Variants in PITPNC1 observed in about 807,000 individuals in gnomAD.
PITPNC1 encodes the protein phosphatidylinositol transfer protein cytoplasmic 1.
In PITPNC1, 18 loss-of-function variants were observed where a neutral mutation model predicts 44.7. That is an observed-to-expected ratio of 0.40 (90% CI 0.28 to 0.60). The LOEUF (loss-of-function observed/expected upper bound fraction) is 0.60, where lower values mean the gene tolerates loss of function less well. Among genes scored for constraint, PITPNC1 ranks in the 20% least tolerant of loss-of-function variants. PITPNC1 has a pLI of 0.39. For synonymous variants in PITPNC1, 141 were observed against 149.6 expected (o/e 0.94, Z 0.42); for missense variants, 290 against 418.4 (o/e 0.69, Z 2.68).
chr17:67,546,295 GTATATATA>G (rs67276045), intron 2 of PITPNC1, among the ~76,000 whole-genome samples: 62 of 149,654 alleles, frequency 4.1e-4, no homozygotes, highest in African/African-American at 1.5e-3. Context: ...GACTATATAT[GTATATATA>G]TATATATATA....
intron 8 of PITPNC1, among the ~76,000 whole-genome samples, chr17:67,690,041 A>G (rs1014991259): frequency 6.6e-6 from 1 of 152,226 alleles, no homozygotes; most frequent in African/African-American, 2.4e-5. Flanking sequence ...ATAATGACTT[A>G]TATCCTTTGT....
At chr17:67,463,173 A>G (rs1245349966) in intron 1 of PITPNC1, among the ~76,000 whole-genome samples, 1 of 53,888 alleles carries the variant, frequency 1.9e-5, no homozygotes, top group African/African-American at 8.4e-5. Context: ...AACATCCTGT[A>G]GTAATTCAGA....
intron 1 of PITPNC1, among the ~76,000 whole-genome samples, chr17:67,442,336 C>T (rs1256154346): frequency 3.4e-5 from 5 of 147,810 alleles, no homozygotes; most frequent in African/African-American, 1.2e-4. Context: ...TGAGTAAAGT[C>T]TCATGTTGTC....
intron 1 of PITPNC1, among the ~76,000 whole-genome samples, chr17:67,492,511 C>T (rs1043873270): frequency 3.3e-5 from 5 of 152,156 alleles, no homozygotes; most frequent in African/African-American, 1.2e-4. Context: ...ACCTTGATTT[C>T]TTTTTTCTGG....
At chr17:67,548,348 T>G (rs1325865834) in intron 2 of PITPNC1, among the ~76,000 whole-genome samples, 2 of 152,194 alleles carry the variant, frequency 1.3e-5, no homozygotes, top group East Asian at 1.9e-4. Context: ...CCCAACACTT[T>G]GGGAGGCCAA....
At chr17:67,683,162 C>CAAAAAAAA (rs901577194) in intron 8 of PITPNC1, among the ~76,000 whole-genome samples, 68 of 41,470 alleles carry the variant, frequency 1.6e-3, no homozygotes, top group Non-Finnish European at 3.0e-3. Context: ...AACTGAGTCT[C>CAAAAAAAA]AAAAAAAAAA....
chr17:67,628,122 C>T (rs779696973), intron 5 of PITPNC1, among the ~76,000 whole-genome samples: 1 of 151,954 alleles, frequency 6.6e-6, no homozygotes, highest in Non-Finnish European at 1.5e-5. Context: ...AAGCTGGTCT[C>T]GAACTCCTGA....
chr17:67,559,036 T>C (rs1411129493), intron 4 of PITPNC1, among the ~76,000 whole-genome samples: 1 of 152,152 alleles, frequency 6.6e-6, no homozygotes, highest in Non-Finnish European at 1.5e-5. Flanking sequence ...CACTAAACTA[T>C]CTGGGATAGG....
chr17:67,517,874 G>A (rs538672586), intron 1 of PITPNC1, among the ~76,000 whole-genome samples: 1 of 152,234 alleles, frequency 6.6e-6, no homozygotes, highest in East Asian at 1.9e-4. Flanking sequence ...CCACCGAATT[G>A]CATATTTTTT....
chr17:67,627,016 G>A (rs2041904386), intron 5 of PITPNC1, among the ~76,000 whole-genome samples: 2 of 151,496 alleles, frequency 1.3e-5, no homozygotes, highest in Admixed American at 1.3e-4. Flanking sequence ...CCAGCACTTT[G>A]GGAGGCCAAG....
chr17:67,448,060 T>G (rs750924883), intron 1 of PITPNC1, among the ~76,000 whole-genome samples: 1 of 151,984 alleles, frequency 6.6e-6, no homozygotes, highest in Non-Finnish European at 1.5e-5. Context: ...ATTCTCCTGC[T>G]TCAGCCTCCG....
intron 1 of PITPNC1, among the ~76,000 whole-genome samples, chr17:67,433,601 C>T (rs2143901607): frequency 6.6e-6 from 1 of 152,226 alleles, no homozygotes; most frequent in Non-Finnish European, 1.5e-5. Context: ...AACCCAGCTA[C>T]TCGGGAGGCT....
At chr17:67,674,178 C>T (rs2042561736) in intron 7 of PITPNC1, among the ~76,000 whole-genome samples, 2 of 151,926 alleles carry the variant, frequency 1.3e-5, no homozygotes, top group African/African-American at 4.8e-5. Flanking sequence ...AATCCAATTA[C>T]ACTCTTAAGT....
In PITPNC1 at chr17:67,588,087, T is replaced by C. The variant is rs564750634; in HGVS notation, c.366+9830T>C. Among the ~76,000 whole-genome samples, 3 of 152,308 alleles carry C rather than the reference T, an allele frequency of 2.0e-5. No individual in the cohort carries two copies. The South Asian group carries it at 6.2e-4, about 32-fold the overall frequency. On this transcript the variant is annotated intron_variant, in intron 5 of 8. Transcript: ENST00000581322. ...GGCGTGATCTCACCTCACTACAATC[T>C]CTACCTCTCAGGTTCAAACGATTCT...
intron 2 of PITPNC1, among the ~76,000 whole-genome samples, chr17:67,536,208 G>A (rs1329921407): frequency 6.6e-6 from 1 of 152,128 alleles, no homozygotes; most frequent in Non-Finnish European, 1.5e-5. Context: ...ACAGTAAAAA[G>A]CACTTTAAGG....
intron 1 of PITPNC1, among the ~76,000 whole-genome samples, chr17:67,470,157 G>A (rs35871798): frequency 0.052 from 7,922 of 152,040 alleles, 280 homozygotes; most frequent in Middle Eastern, 0.11. Context: ...TCCTGACCTC[G>A]AGTGATCTGC....
At position 67,415,403 on chromosome 17, in the gene PITPNC1, C is replaced by G. The variant is rs1043410982; in HGVS notation, c.48+37201C>G. 2.6e-5 allele frequency among the ~76,000 whole-genome samples: 4 copies of G among 152,224 alleles called. No homozygotes were observed. In the East Asian group the frequency reaches 7.7e-4, roughly 29 times the overall value. On this transcript the variant is annotated intron_variant, in intron 1 of 8. Transcript: ENST00000581322. ...TTCCTAACAAGACGCACGTCATCGT[C>G]TCCAAATCCTTTGGGTCAGCACAGC...
In PITPNC1 at chr17:67,694,521, G is replaced by A. The variant is rs2042979142; in HGVS notation, c.*1633G>A. 6.6e-6 allele frequency: 1 copy of A among 152,164 alleles called. No homozygotes were observed. Among genetic ancestry groups the A allele is most frequent in the Non-Finnish European group, 1.5e-5 (1 of 68,046 alleles). The allele number at this position is 152,164 out of a possible 1,614,324, so 9.4% of individuals were successfully genotyped here. A position where few individuals can be genotyped will look rare whatever the true frequency, so the allele number is the denominator to read the frequency against. On this transcript the variant is annotated 3_prime_UTR_variant, in exon 9 of 9. Coordinates refer to ENST00000581322, the MANE Select transcript of PITPNC1 (RefSeq NM_012417.4). ...CTTTCAGGTTGATACACTCTCCCAA[G>A]GTGCAGGCGCTGGCCCCATGAGCCC...
intron 7 of PITPNC1, among the ~76,000 whole-genome samples, chr17:67,671,033 G>T (rs942281789): frequency 6.6e-5 from 10 of 151,876 alleles, no homozygotes; most frequent in African/African-American, 2.4e-4. Flanking sequence ...TGGGAGGTGC[G>T]CACGCCACCA....
Sources: gnomAD v4.1 joint callset for allele counts (sites outside exome capture counted in the v4.1 genomes callset) on GRCh38, gnomAD v4.1.1 for gene constraint, MANE v1.5 for transcripts, NCBI Gene and HGNC (gene_info 2026-07-23, HGNC 2026-07-21) for gene names.